The following GPHN variants were observed in gnomAD, a reference collection of about 807,000 sequenced individuals.
GPHN encodes gephyrin.
Under a neutral mutation model 95.5 loss-of-function variants are expected in GPHN, and 17 were observed. The ratio of observed to expected loss-of-function variants is 0.18; its 90% CI spans 0.12 to 0.27. The LOEUF is 0.27. GPHN is among the 10% of genes least tolerant of loss of function. GPHN has a pLI of 1.00. For missense variants in GPHN, 660 were observed against 978.1 expected (o/e 0.67, Z 4.34); for synonymous variants, 320 against 322.5 (o/e 0.99, Z 0.08).
chr14:67,349,380 G>A, the GPHN span, among the ~76,000 whole-genome samples: 2 of 152,202 alleles, frequency 1.3e-5, no homozygotes, highest in Non-Finnish European at 2.9e-5. Flanking sequence ...TCAGTCAGAG[G>A]TGTGCTACAT....
chr14:67,657,047 CT>C, the GPHN span: 1 of 152,982 alleles, frequency 6.5e-6, no homozygotes, highest in East Asian at 1.9e-4. Context: ...AAGATTCCCA[CT>C]AGACTGGTAC....
intron 11 of GPHN, among the ~76,000 whole-genome samples, chr14:67,072,621 C>G (rs1400619118): frequency 6.6e-6 from 1 of 152,096 alleles, no homozygotes; most frequent in Non-Finnish European, 1.5e-5. Flanking sequence ...ATCAACAATA[C>G]TCTTTCTTAT....
the GPHN span, among the ~76,000 whole-genome samples, chr14:67,254,026 C>CG: frequency 3.9e-5 from 3 of 77,498 alleles, no homozygotes; most frequent in South Asian, 5.8e-4. Context: ...TTATATTCAT[C>CG]CCCCCCCCCT....
the GPHN span, among the ~76,000 whole-genome samples, chr14:67,710,335 T>C: frequency 6.6e-6 from 1 of 152,234 alleles, no homozygotes; most frequent in African/African-American, 2.4e-5. Context: ...TAAAAAAAGT[T>C]TTAATCTTTT....
chr14:67,074,818 A>G (rs1347568915), intron 11 of GPHN, among the ~76,000 whole-genome samples: 1 of 152,180 alleles, frequency 6.6e-6, no homozygotes, highest in East Asian at 1.9e-4. Context: ...GAAGGTTGAG[A>G]GAGGTGAAAA....
chr14:67,639,924 C>CAAA, the GPHN span, among the ~76,000 whole-genome samples: 167 of 61,724 alleles, frequency 2.7e-3, 1 homozygote, highest in Middle Eastern at 0.01. Flanking sequence ...GACCCTGTCT[C>CAAA]AAAAAAAAAA....
the GPHN span, chr14:67,303,650 C>T: frequency 7.9e-7 from 1 of 1,263,066 alleles, no homozygotes; most frequent in African/African-American, 1.5e-5. Flanking sequence ...ATGCTGTTTA[C>T]TTCTGTTACT....
chr14:67,690,305 G>A, the GPHN span: 1 of 1,614,170 alleles, frequency 6.2e-7, no homozygotes. Context: ...TTCTCGCCCT[G>A]CAGGTTATGG....
chr14:67,331,466 C>T, the GPHN span, among the ~76,000 whole-genome samples: 4 of 151,940 alleles, frequency 2.6e-5, no homozygotes, highest in South Asian at 6.2e-4. Flanking sequence ...TGTAACCAAC[C>T]GGTTATCTAG....
At chr14:66,567,921 T>C (rs1372035777) in intron 1 of GPHN, among the ~76,000 whole-genome samples, 1 of 152,174 alleles carries the variant, frequency 6.6e-6, no homozygotes, top group Non-Finnish European at 1.5e-5. Flanking sequence ...CTCAAGTTAG[T>C]GTAGCTAACT....
chr14:67,220,011 T>C, the GPHN span, among the ~76,000 whole-genome samples: 2 of 152,216 alleles, frequency 1.3e-5, no homozygotes, highest in Non-Finnish European at 2.9e-5. Context: ...AATTCACTAC[T>C]GCTGTATTGC....
At chr14:66,713,309 G>C (rs1386869915) in intron 2 of GPHN, among the ~76,000 whole-genome samples, 1 of 152,164 alleles carries the variant, frequency 6.6e-6, no homozygotes, top group Non-Finnish European at 1.5e-5. Context: ...TTTGATTTTT[G>C]TGTAAGGTGA....
chr14:67,135,353 T>C (rs1279643473), intron 17 of GPHN, among the ~76,000 whole-genome samples: 1 of 152,196 alleles, frequency 6.6e-6, no homozygotes, highest in East Asian at 1.9e-4. Context: ...GTCTATGTTC[T>C]GAATCATTTT....
chr14:67,363,217 C>T, the GPHN span, among the ~76,000 whole-genome samples: 1 of 151,652 alleles, frequency 6.6e-6, no homozygotes, highest in Admixed American at 6.6e-5. Context: ...CCCCCACCCT[C>T]GAAAAGCCCT....
chr14:67,037,133 G>A (rs1413714291), intron 10 of GPHN, among the ~76,000 whole-genome samples: 1 of 151,966 alleles, frequency 6.6e-6, no homozygotes, highest in East Asian at 1.9e-4. Context: ...ACATGTTCGT[G>A]TATATGGTCA....
the GPHN span, among the ~76,000 whole-genome samples, chr14:67,634,588 T>C: frequency 7.0e-6 from 1 of 142,298 alleles, no homozygotes; most frequent in Non-Finnish European, 1.6e-5. Flanking sequence ...AACCAGACCG[T>C]GTCTCCAAAA....
intron 3 of GPHN, among the ~76,000 whole-genome samples, chr14:66,808,010 T>C (rs759121515): frequency 2.0e-5 from 3 of 152,256 alleles, no homozygotes; most frequent in Non-Finnish European, 4.4e-5. Context: ...CAACATTTTA[T>C]GAGAACTCTA....
At chr14:66,798,305 T>G (rs1306860121) in intron 3 of GPHN, among the ~76,000 whole-genome samples, 1 of 151,860 alleles carries the variant, frequency 6.6e-6, no homozygotes, top group African/African-American at 2.4e-5. Context: ...GTGTTTGGTC[T>G]TAGTATCAGG....
chr14:67,065,881 T>C (rs1344922849), intron 11 of GPHN, among the ~76,000 whole-genome samples: 2 of 152,092 alleles, frequency 1.3e-5, no homozygotes, highest in African/African-American at 4.8e-5. Context: ...GGGGCTTGAC[T>C]CTTTATCCAA....
Sources: allele counts gnomAD v4.1 joint callset (sites outside exome capture counted in the v4.1 genomes callset), GRCh38; gene constraint gnomAD v4.1.1; transcripts MANE v1.5; gene names NCBI Gene and HGNC (gene_info 2026-07-23, HGNC 2026-07-21).